PLEKHA5: variants seen among roughly 807,000 people sequenced by gnomAD.
The protein encoded by PLEKHA5 is pleckstrin homology domain containing A5, also known as pleckstrin homology domain-containing family A member 5.
In PLEKHA5, 55 loss-of-function variants were observed where a neutral mutation model predicts 181.9. That is an observed-to-expected ratio of 0.30 (90% CI 0.24 to 0.38). PLEKHA5 has a LOEUF of 0.38. PLEKHA5 is among the 10% of genes least tolerant of loss of function. The pLI, the probability that PLEKHA5 is intolerant of heterozygous loss-of-function variation, is 1.00. For missense variants in PLEKHA5, 1,432 were observed against 1,549.5 expected (o/e 0.92, Z 1.27); for synonymous variants, 535 against 529.4 (o/e 1.01, Z -0.15).
At chr12:19,260,246 A>G (rs1161085883) in intron 6 of PLEKHA5, among the ~76,000 whole-genome samples, 1 of 152,212 alleles carries the variant, frequency 6.6e-6, no homozygotes, top group East Asian at 1.9e-4. Context: ...GAATAATTTC[A>G]ATTCACATAT....
At chr12:19,176,773 T>C (rs1286129640) in intron 3 of PLEKHA5, among the ~76,000 whole-genome samples, 2 of 152,184 alleles carry the variant, frequency 1.3e-5, no homozygotes, top group African/African-American at 4.8e-5. Context: ...TGACAAATAA[T>C]ATATATATCA....
intron 3 of PLEKHA5, among the ~76,000 whole-genome samples, chr12:19,251,458 G>A (rs2065266645): frequency 6.6e-6 from 1 of 151,654 alleles, no homozygotes; most frequent in Non-Finnish European, 1.5e-5. Context: ...CACCAGATGA[G>A]GATAGGTGTG....
At chr12:19,361,549 T>C (rs199700945) in intron 28 of PLEKHA5, 33 bp from the exon 29 acceptor site, 3 of 1,117,286 alleles carry the variant, frequency 2.7e-6, no homozygotes, top group Non-Finnish European at 3.9e-6. Context: ...ATAAGAATTC[T>C]TTGAAAAGAA....
intron 3 of PLEKHA5, among the ~76,000 whole-genome samples, chr12:19,208,934 A>G (rs1402859507): frequency 6.6e-6 from 1 of 152,188 alleles, no homozygotes; most frequent in Non-Finnish European, 1.5e-5. Flanking sequence ...TTCTCAAAAT[A>G]AAGTACTAGA....
At chr12:19,232,710 T>A (rs1467291745) in intron 3 of PLEKHA5, among the ~76,000 whole-genome samples, 1 of 152,160 alleles carries the variant, frequency 6.6e-6, no homozygotes, top group Non-Finnish European at 1.5e-5. Flanking sequence ...CTCTTCCAGT[T>A]ACTGTTTCTA....
At chr12:19,140,393 A>G (rs945871879) in intron 3 of PLEKHA5, among the ~76,000 whole-genome samples, 4 of 152,204 alleles carry the variant, frequency 2.6e-5, no homozygotes, top group African/African-American at 4.8e-5. Context: ...TAGAAACCCA[A>G]AAGAAATAAA....
chr12:19,361,383 C>T (rs11044516), intron 28 of PLEKHA5, among the ~76,000 whole-genome samples, 199 bp from the exon 29 acceptor site: 7,294 of 152,124 alleles, frequency 0.048, 200 homozygotes, highest in Non-Finnish European at 0.074. Context: ...CAGTGTTTCA[C>T]CGTGTTAGCC....
intron 3 of PLEKHA5, among the ~76,000 whole-genome samples, chr12:19,212,041 A>G (rs1005524902): frequency 9.9e-5 from 15 of 152,188 alleles, no homozygotes; most frequent in Admixed American, 4.6e-4. Flanking sequence ...AGCCTAGTGC[A>G]GGAGCTCAGT....
At chr12:19,342,649 G>A (rs564046145) in intron 21 of PLEKHA5, among the ~76,000 whole-genome samples, 16 of 151,942 alleles carry the variant, frequency 1.1e-4, no homozygotes, top group African/African-American at 3.6e-4. Flanking sequence ...GGCATAGCAC[G>A]TGCCGTAATC....
chr12:19,168,829 A>C (rs1334271812), intron 3 of PLEKHA5, among the ~76,000 whole-genome samples: 1 of 152,176 alleles, frequency 6.6e-6, no homozygotes, highest in Non-Finnish European at 1.5e-5. Flanking sequence ...TAATGAGTCA[A>C]TATGCTGGAG....
At chr12:19,243,750 A>G (rs1402652073) in intron 3 of PLEKHA5, among the ~76,000 whole-genome samples, 1 of 152,162 alleles carries the variant, frequency 6.6e-6, no homozygotes, top group Non-Finnish European at 1.5e-5. Context: ...AAGGAAATAT[A>G]TACTTTTCAT....
At chr12:19,142,198 C>T in intron 3 of PLEKHA5, among the ~76,000 whole-genome samples, 1 of 150,974 alleles carries the variant, frequency 6.6e-6, no homozygotes, top group East Asian at 1.9e-4. Context: ...CCAATCTCTA[C>T]AAAAAAAAAT....
intron 29 of PLEKHA5, among the ~76,000 whole-genome samples, chr12:19,363,549 T>C (rs1345608056): frequency 1.8e-4 from 27 of 151,418 alleles, no homozygotes; most frequent in Non-Finnish European, 3.8e-4. Context: ...TGGAGTGCAG[T>C]AGTGCAATCT....
At chr12:19,193,977 C>T (rs1422990337) in intron 3 of PLEKHA5, among the ~76,000 whole-genome samples, 1 of 150,816 alleles carries the variant, frequency 6.6e-6, no homozygotes, top group Non-Finnish European at 1.5e-5. Flanking sequence ...TGAGAACTCA[C>T]TCAGTATTGC....
At chr12:19,368,316 C>T (rs1425522030) in intron 30 of PLEKHA5, among the ~76,000 whole-genome samples, 2 of 151,938 alleles carry the variant, frequency 1.3e-5, no homozygotes, top group African/African-American at 4.8e-5. Flanking sequence ...TGTAACAAGA[C>T]AACGTTTCTA....
At chr12:19,329,119 T>C (rs2092580137) in intron 20 of PLEKHA5, among the ~76,000 whole-genome samples, 1 of 152,258 alleles carries the variant, frequency 6.6e-6, no homozygotes, top group South Asian at 2.1e-4. Flanking sequence ...TTTTTTATTC[T>C]GTTTATGTGG....
At chr12:19,287,647 C>G in intron 13 of PLEKHA5, 91 bp downstream of exon 13, 1 of 745,168 alleles carries the variant, frequency 1.3e-6, no homozygotes, top group Non-Finnish European at 2.3e-6. Context: ...TTTGAATTTT[C>G]AGAGGTTCTC....
At chr12:19,212,137 G>T (rs548553646) in intron 3 of PLEKHA5, among the ~76,000 whole-genome samples, 1 of 152,226 alleles carries the variant, frequency 6.6e-6, no homozygotes, top group African/African-American at 2.4e-5. Flanking sequence ...CCACAACATT[G>T]GTGACTTTGG....
intron 22 of PLEKHA5, among the ~76,000 whole-genome samples, chr12:19,343,845 G>A (rs1030127937): frequency 3.3e-5 from 5 of 152,126 alleles, no homozygotes; most frequent in African/African-American, 9.7e-5. Flanking sequence ...CTGAGGTCAG[G>A]AGTTCAAGAC....
Sources: gnomAD v4.1 joint callset for allele counts (sites outside exome capture counted in the v4.1 genomes callset) on GRCh38, gnomAD v4.1.1 for gene constraint, MANE v1.5 for transcripts, NCBI Gene and HGNC (gene_info 2026-07-23, HGNC 2026-07-21) for gene names.